Variants in PLCH2 observed in about 807,000 individuals in gnomAD.
The protein encoded by PLCH2 is 1-phosphatidylinositol 4,5-bisphosphate phosphodiesterase eta-2.
A neutral mutation model predicts 134.7 loss-of-function variants in PLCH2; 98 were observed. The observed-to-expected ratio is 0.73, with a 90% confidence interval of 0.62 to 0.86. The LOEUF (loss-of-function observed/expected upper bound fraction) is 0.86. Ranked by LOEUF, PLCH2 falls within the 40% of genes least tolerant of loss-of-function variation. The pLI is 0.00. For missense variants in PLCH2, 1,994 were observed against 1,986.6 expected (o/e 1.00, Z -0.07); for synonymous variants, 974 against 827.5 (o/e 1.18, Z -3.04).
rs762406357 is a variant in PLCH2 at position 2,479,890 on chromosome 1, C to T, written c.428C>T (p.Ala143Val). The T allele has an allele frequency of 1.6e-5, 25 of 1,611,608 alleles. No individual in the cohort carries two copies. Among genetic ancestry groups the T allele is most frequent in the Middle Eastern group, 1.6e-4 (1 of 6,074 alleles). Reference protein sequence around the residue: ...LDLVSTSSEVARTWVTGLRYL... With the variant: ...LDLVSTSSEVVRTWVTGLRYL... Reference sequence around the variant, plus strand: ...CTGGTCTCCACCAGCAGCGAGGTGGCGCGCACCTGGGTCACTGGCCTGCGC... The same window carrying T: ...CTGGTCTCCACCAGCAGCGAGGTGGTGCGCACCTGGGTCACTGGCCTGCGC... The change falls in exon 3 of 22, where the codon GCG becomes GTG. Residue 143 changes from alanine to valine, a missense_variant. Physicochemically the swap from Ala to Val is moderately conservative, Grantham distance 64. Around this residue, in one of 2 missense-constraint regions of PLCH2, gnomAD observed 1,094 missense variants for 1,234.3 expected, o/e 0.89. Transcript: ENST00000378486.
At chr1:2,461,788 A>G (rs550905194) in intron 2 of PLCH2, among the ~76,000 whole-genome samples, 1 of 152,094 alleles carries the variant, frequency 6.6e-6, no homozygotes, top group South Asian at 2.1e-4. Flanking sequence ...GCTTGGGGGA[A>G]CCAGGAGCAG....
the PLCH2 span, among the ~76,000 whole-genome samples, chr1:2,418,233 A>G: frequency 6.6e-6 from 1 of 152,212 alleles, no homozygotes; most frequent in East Asian, 1.9e-4. Flanking sequence ...TGGAAACTGC[A>G]CTGAACTGAT....
chr1:2,496,658 G>T lies in PLCH2; in HGVS notation c.1887G>T (p.Leu629=), dbSNP rs776346562. ...AGCTGTCCCGGGCCCTCTCTGACCTGGTGAAGTACACCAAGTCCGTGGCCA... is the reference window on the plus strand; with the variant it reads ...AGCTGTCCCGGGCCCTCTCTGACCTTGTGAAGTACACCAAGTCCGTGGCCA... ...TMKLSRALSD[L]VKYTKSVATH... is the part of the protein sequence containing the mutation. Residue 629 remains leucine, a synonymous_variant, in exon 14 of 22, where the codon CTG becomes CTT. Transcript: ENST00000378486. The T allele has an allele frequency of 2.5e-6, 4 of 1,612,128 alleles. No individual in the cohort carries two copies. Among genetic ancestry groups the T allele is most frequent in the Non-Finnish European group, 2.5e-6 (3 of 1,179,540 alleles).
intron 2 of PLCH2, among the ~76,000 whole-genome samples, chr1:2,435,195 T>TC (rs1188827107): frequency 3.3e-5 from 5 of 152,014 alleles, no homozygotes; most frequent in Non-Finnish European, 7.4e-5. Context: ...TGGAAGATGG[T>TC]CCCGGGGGTG....
At chr1:2,466,775 G>A (rs550475855), upstream of PLCH2, among the ~76,000 whole-genome samples, 10 of 152,374 alleles carry the variant, frequency 6.6e-5, no homozygotes, top group Middle Eastern at 3.4e-3. Context: ...CGTGCAGGGG[G>A]AGGCAGAATG....
chr1:2,451,048 A>G (rs1198216060), intron 2 of PLCH2, among the ~76,000 whole-genome samples: 2 of 151,882 alleles, frequency 1.3e-5, no homozygotes, highest in South Asian at 4.1e-4. Flanking sequence ...GCCCTGCCAT[A>G]GGGGCTGTGG....
chr1:2,456,529 G>A (rs1322405982), intron 2 of PLCH2, among the ~76,000 whole-genome samples: 2 of 152,214 alleles, frequency 1.3e-5, no homozygotes, highest in Non-Finnish European at 2.9e-5. Flanking sequence ...TTCTGGGGAC[G>A]CGTGAGGTCA....
In PLCH2 at chr1:2,505,210, C is replaced by CTT; in HGVS notation, c.4249_4250insTT (p.Ter1417PhefsTer82). 6.4e-7 allele frequency: 1 copy of CTT among 1,568,240 alleles called. No individual in the cohort carries two copies. Among genetic ancestry groups the CTT allele is most frequent in the Non-Finnish European group, 8.6e-7 (1 of 1,166,772 alleles). On this transcript the variant is annotated frameshift_variant, in exon 22 of 22. Transcript: ENST00000378486. LOFTEE classifies it high-confidence loss of function. ...CTGAAAACCTGGTCCTGCTCCGCCT[C>CTT]TGACCGTCAGTGGTGGGAACCTGGG... is the stretch of plus-strand genomic sequence containing the variant.
chr1:2,443,930 G>A (rs1459720480), intron 2 of PLCH2, among the ~76,000 whole-genome samples: 1 of 151,820 alleles, frequency 6.6e-6, no homozygotes, highest in Non-Finnish European at 1.5e-5. Context: ...CGCTGCAGCC[G>A]CCACGGAGAC....
At chr1:2,417,326 G>A in the PLCH2 span, among the ~76,000 whole-genome samples, 1 of 152,192 alleles carries the variant, frequency 6.6e-6, no homozygotes, top group Admixed American at 6.5e-5. Context: ...AAGAGTGAGG[G>A]AGGGCTCTGT....
At chr1:2,495,591 G>C (rs1324179204) in intron 13 of PLCH2, 21 bp downstream of exon 13, 5 of 1,520,670 alleles carry the variant, frequency 3.3e-6, no homozygotes, top group Middle Eastern at 2.0e-4. Flanking sequence ...TGCCCCACGG[G>C]GAGGCCCCGC....
Position 2,490,362 on chromosome 1 carries a change from C to T in PLCH2, c.1515+495C>T, listed in dbSNP as rs528743726. Among the ~76,000 whole-genome samples, 24 of 152,328 alleles carry T rather than the reference C, an allele frequency of 1.6e-4. No individual in the cohort carries two copies. The South Asian group carries it at 5.0e-3, about 32-fold the overall frequency. On this transcript the variant is annotated intron_variant, in intron 10 of 21. Coordinates refer to ENST00000378486, the MANE Select transcript of PLCH2 (RefSeq NM_014638.4). ...CAAGCAGTGCCATCTCTAAGGTCAA[C>T]TCTGATATGGGGGTCCCACCAGCAG...
rs150975652 is a variant in PLCH2 at position 2,484,040 on chromosome 1, A to G, written c.646-408A>G. Among the ~76,000 whole-genome samples, 14 of 121,266 alleles carry G rather than the reference A, an allele frequency of 1.2e-4. 1 individual carries two copies. The highest frequency in any genetic ancestry group is 1.6e-4 in the Non-Finnish European group (9 of 55,730). The allele number at this position is 121,266 out of a possible 152,430, so 79.6% of individuals were successfully genotyped here. ...GCTGACTCCCGTGTGGGTGGCGCTG[A>G]CTCCCGTGTGGGTGGCGTTGGCTCC... On this transcript the variant is annotated intron_variant, in intron 4 of 21. Transcript: ENST00000378486.
intron 21 of PLCH2, chr1:2,503,694 CCCGT>C (rs1643365021): frequency 1.5e-6 from 1 of 651,116 alleles, no homozygotes; most frequent in Admixed American, 2.3e-5. Context: ...CAAGGAGGGC[CCCGT>C]GTGCGGCACA....
At chr1:2,424,770 G>A (rs543521112), upstream of PLCH2, among the ~76,000 whole-genome samples, 143 of 152,254 alleles carry the variant, frequency 9.4e-4, no homozygotes, top group Middle Eastern at 0.017. Context: ...GGCGGATCAC[G>A]AGGTCAGGAG....
chr1:2,487,806 C>G (rs1171036932), intron 8 of PLCH2, 88 bp downstream of exon 8: 25 of 1,294,110 alleles, frequency 1.9e-5, no homozygotes, highest in Non-Finnish European at 2.7e-5. Flanking sequence ...ACCCACATGT[C>G]CTTTCTTTGG....
intron 2 of PLCH2, among the ~76,000 whole-genome samples, chr1:2,458,784 C>T (rs541541254): frequency 1.3e-5 from 2 of 152,334 alleles, no homozygotes; most frequent in South Asian, 4.1e-4. Flanking sequence ...GATCTCGAGG[C>T]CACGTTTCAT....
At position 2,504,750 on chromosome 1, in the gene PLCH2, A is replaced by C; in HGVS notation, c.3788A>C (p.Asp1263Ala). The change falls in exon 22 of 22, where the codon GAT becomes GCT. Residue 1263 changes from aspartate to alanine, a missense_variant. By Grantham distance (126) the Asp-to-Ala change is moderately radical. Around this residue, in one of 2 missense-constraint regions of PLCH2, gnomAD observed 900 missense variants for 752.3 expected, o/e 1.20. Coordinates refer to ENST00000378486, the MANE Select transcript of PLCH2 (RefSeq NM_014638.4). ...KSKSLGDLTA[D>A]DFAPSFEGGS... ...AAGAGCCTGGGCGACCTCACTGCTG[A>C]TGACTTTGCCCCTAGCTTTGAGGGC... is the stretch of plus-strand genomic sequence containing the variant. 1.2e-6 allele frequency: 2 copies of C among 1,612,372 alleles called. No homozygotes were observed. The highest frequency in any genetic ancestry group is 1.7e-6 in the Non-Finnish European group (2 of 1,179,750).
At chr1:2,430,554 G>C (rs1639020555) in exon 2 of PLCH2, 3 of 152,248 alleles carry the variant, frequency 2.0e-5, no homozygotes. Context: ...TCCTGGCCCA[G>C]CTCTTCCGCC....
Sources: allele counts gnomAD v4.1 joint callset (sites outside exome capture counted in the v4.1 genomes callset), GRCh38; gene constraint gnomAD v4.1.1; regional missense constraint gnomAD v4.1.1; transcripts MANE v1.5; gene names NCBI Gene and HGNC (gene_info 2026-07-23, HGNC 2026-07-21).